Variants in PRH1 observed in about 807,000 individuals in gnomAD.
PRH1 encodes proline rich protein HaeIII subfamily 1, also known as salivary acidic proline-rich phosphoprotein 1/2.
PRH1 carries 7 observed loss-of-function variants against 7.9 expected under a neutral mutation model. The ratio of observed to expected loss-of-function variants is 0.89; its 90% CI spans 0.50 to 1.67. PRH1 has a LOEUF of 1.67. PRH1 is among the 40% of genes most tolerant of loss of function. The probability of loss-of-function intolerance (pLI) is 0.00; values close to 1 mark genes in which losing one functional copy is unlikely to be tolerated. For synonymous variants in PRH1, 45 were observed against 80.8 expected, an observed-to-expected ratio of 0.56 and a Z score of 2.38; for missense variants, 109 against 223.6, an observed-to-expected ratio of 0.49 and a Z score of 3.27.
chr12:11,000,511 C>T (rs1473960865), intron 1 of PRH1, among the ~76,000 whole-genome samples: 1 of 152,004 alleles, frequency 6.6e-6, no homozygotes, highest in East Asian at 1.9e-4. Flanking sequence ...TTCAGATTTT[C>T]TACTGGTCTT....
intron 1 of PRH1, among the ~76,000 whole-genome samples, chr12:11,115,000 A>T (rs1592041279): frequency 1.3e-5 from 2 of 152,320 alleles, no homozygotes; most frequent in East Asian, 3.9e-4. Flanking sequence ...GCAGACCACA[A>T]CATAACCAGA....
intron 1 of PRH1, chr12:11,022,501 T>G (rs202028593): frequency 1.2e-6 from 2 of 1,613,766 alleles, no homozygotes; most frequent in Non-Finnish European, 1.7e-6. Context: ...TATGAAGCCA[T>G]TGGCAACATT....
At chr12:11,033,129 G>A (rs186554828) in intron 1 of PRH1, among the ~76,000 whole-genome samples, 26 of 152,260 alleles carry the variant, frequency 1.7e-4, no homozygotes, top group Middle Eastern at 3.4e-3. Context: ...CAGCGCAGGC[G>A]AGGTTGAGGA....
At chr12:10,918,341 C>T (rs1015629501) in intron 2 of PRH1, among the ~76,000 whole-genome samples, 7 of 151,970 alleles carry the variant, frequency 4.6e-5, no homozygotes, top group East Asian at 1.9e-4. Context: ...TGTAACAAAC[C>T]TGCATATCCT....
At chr12:10,883,009 T>A in intron 2 of PRH1, 52 bp downstream of exon 2, 1 of 1,588,080 alleles carries the variant, frequency 6.3e-7, no homozygotes, top group Non-Finnish European at 8.6e-7. Flanking sequence ...AACTCATCAA[T>A]TTTTCAGGGA....
chr12:11,164,999 A>G (rs1947528882), intron 1 of PRH1, among the ~76,000 whole-genome samples: 1 of 152,190 alleles, frequency 6.6e-6, no homozygotes, highest in Non-Finnish European at 1.5e-5. Flanking sequence ...TCTTTGTAGA[A>G]GAGAAAATGG....
At chr12:10,966,329 C>T (rs1938497298) in intron 2 of PRH1, among the ~76,000 whole-genome samples, 1 of 152,154 alleles carries the variant, frequency 6.6e-6, no homozygotes, top group Non-Finnish European at 1.5e-5. Context: ...GGGTGACTAC[C>T]TTGCCCCTGG....
chr12:11,094,066 G>A (rs1945013812), intron 1 of PRH1, among the ~76,000 whole-genome samples: 1 of 112,426 alleles, frequency 8.9e-6, no homozygotes, highest in Admixed American at 9.1e-5. Flanking sequence ...GTGCAGGCAA[G>A]GCTGAGGAAG....
At chr12:11,093,042 T>G (rs1171266382) in intron 1 of PRH1, among the ~76,000 whole-genome samples, 1 of 116,468 alleles carries the variant, frequency 8.6e-6, no homozygotes, top group East Asian at 2.1e-4. Flanking sequence ...CCTCATTTGC[T>G]AGTATGCAAA....
At chr12:10,954,348 T>C (rs1399015769) in intron 2 of PRH1, among the ~76,000 whole-genome samples, 1 of 152,194 alleles carries the variant, frequency 6.6e-6, no homozygotes, top group Non-Finnish European at 1.5e-5. Flanking sequence ...CGCAATGGTA[T>C]AGTGTCTTCA....
chr12:10,930,915 C>A (rs779349016), intron 2 of PRH1: 130 of 1,608,110 alleles, frequency 8.1e-5, no homozygotes, highest in Middle Eastern at 1.9e-4. Context: ...GAGGCCATCC[C>A]CGTCCTCCTC....
rs554240844 is a variant in PRH1, at chr12:11,028,915, T to A, written c.-126+18105A>T. 2.6e-5 allele frequency among the ~76,000 whole-genome samples: 4 copies of A among 152,388 alleles called. No individual in the cohort carries two copies. In the East Asian group the frequency reaches 7.7e-4, roughly 29 times the overall value. Reference sequence around the variant, plus strand: ...ACTGGAACAGGGGAATTCATGCAACTGCAGATTTTGTGTGAGTTTCCTTTT... The same window carrying A: ...ACTGGAACAGGGGAATTCATGCAACAGCAGATTTTGTGTGAGTTTCCTTTT... On this transcript the variant is annotated intron_variant, in intron 1 of 3. Transcript: ENST00000539853.
rs76746545 is a variant in PRH1 at position 11,133,120 on chromosome 12, T to C, written n.40-11940A>G. The stretch of plus-strand genomic sequence containing the variant: ...ATTGTCAATGTTCTTCAGTTTTTCA[T>C]ACACACACACACACACACACACATC... On this transcript the variant is annotated intron_variant and non_coding_transcript_variant, in intron 1 of 1. Transcript: ENST00000541175. The C allele has an allele frequency of 4.6e-5, 23 of 497,298 alleles. No individual in the cohort carries two copies. In the Admixed American group the frequency reaches 6.3e-4, roughly 14 times the overall value. 30.8% of individuals were successfully genotyped at this position (497,298 alleles called of 1,614,324 possible).
At chr12:11,059,245 C>G (rs530004114) in intron 1 of PRH1, among the ~76,000 whole-genome samples, 1 of 151,588 alleles carries the variant, frequency 6.6e-6, no homozygotes, top group Non-Finnish European at 1.5e-5. Flanking sequence ...GCCAAGTGTA[C>G]GCATCTGATG....
chr12:11,032,935 G>C (rs1310571385), intron 1 of PRH1, among the ~76,000 whole-genome samples: 1 of 152,078 alleles, frequency 6.6e-6, no homozygotes, highest in Non-Finnish European at 1.5e-5. Context: ...TTTACCATAA[G>C]AGTATGGCCT....
intron 1 of PRH1, among the ~76,000 whole-genome samples, chr12:11,041,131 C>G (rs1019673275): frequency 6.7e-6 from 1 of 149,292 alleles, no homozygotes; most frequent in East Asian, 2.0e-4. Context: ...TGAAAATGGA[C>G]TAAACTCTCC....
chr12:10,960,689 T>C (rs770534211), intron 2 of PRH1, among the ~76,000 whole-genome samples: 13 of 152,188 alleles, frequency 8.5e-5, no homozygotes, highest in Non-Finnish European at 1.3e-4. Context: ...CTTTAATTGG[T>C]ATTCATAAGC....
At chr12:11,143,116 C>CA (rs34247889) in intron 1 of PRH1, among the ~76,000 whole-genome samples, 6 of 149,706 alleles carry the variant, frequency 4.0e-5, no homozygotes, top group South Asian at 4.3e-4. Context: ...CATGAACTGA[C>CA]AAAAAAAAAA....
intron 2 of PRH1, among the ~76,000 whole-genome samples, chr12:10,900,493 G>A (rs1949707943): frequency 6.6e-6 from 1 of 151,946 alleles, no homozygotes; most frequent in South Asian, 2.1e-4. Flanking sequence ...GCAGGGTGGG[G>A]ACCTCCATGG....
Sources: allele counts gnomAD v4.1 joint callset (sites outside exome capture counted in the v4.1 genomes callset), GRCh38; gene constraint gnomAD v4.1.1; transcripts MANE v1.5; gene names NCBI Gene and HGNC (gene_info 2026-07-23, HGNC 2026-07-21).